The following CUX2 variants were observed in gnomAD, a reference collection of about 807,000 sequenced individuals.
CUX2 encodes the protein homeobox protein cut-like 2.
In CUX2, 40 loss-of-function variants were observed where a neutral mutation model predicts 144.8. The observed-to-expected ratio is 0.28, with a 90% CI of 0.21 to 0.36. CUX2 has a LOEUF of 0.36. Among genes scored for constraint, CUX2 ranks in the 10% least tolerant of loss-of-function variants. The probability of loss-of-function intolerance (pLI) is 1.00; values close to 1 mark genes in which losing one functional copy is unlikely to be tolerated. For synonymous variants in CUX2, 827 were observed against 875.6 expected, an observed-to-expected ratio of 0.94 and a Z score of 0.98; for missense variants, 1,615 against 1,994.0, an observed-to-expected ratio of 0.81 and a Z score of 3.62.
intron 1 of CUX2, among the ~76,000 whole-genome samples, chr12:111,154,947 G>T (rs1445016834): frequency 6.6e-6 from 1 of 152,164 alleles, no homozygotes; most frequent in Non-Finnish European, 1.5e-5. Flanking sequence ...GTGAGTCCTG[G>T]CTCTGTCACT....
intron 1 of CUX2, among the ~76,000 whole-genome samples, chr12:111,204,650 C>T (rs1484485550): frequency 2.0e-5 from 3 of 152,184 alleles, no homozygotes; most frequent in Non-Finnish European, 2.9e-5. Flanking sequence ...CTGCAGGTAC[C>T]GTGCATCAGA....
intron 8 of CUX2, among the ~76,000 whole-genome samples, chr12:111,296,747 CCCTCCAGTACTT>C: frequency 9.1e-6 from 1 of 110,020 alleles, no homozygotes; most frequent in Admixed American, 8.5e-5. Context: ...CTCCCTCTGA[CCCTCCAGTACTT>C]GCCTCCACCC....
chr12:111,316,449 CTT>C (rs35751838), intron 16 of CUX2, among the ~76,000 whole-genome samples: 25 of 113,272 alleles, frequency 2.2e-4, no homozygotes, highest in Middle Eastern at 5.4e-3. Flanking sequence ...CCCGGCACTT[CTT>C]TTTTTTTTTT....
chr12:111,126,443 C>T (rs573429539), intron 1 of CUX2, among the ~76,000 whole-genome samples: 23 of 152,258 alleles, frequency 1.5e-4, no homozygotes, highest in Non-Finnish European at 2.6e-4. Flanking sequence ...GAGCTGATGG[C>T]ATAATTCCAC....
intron 1 of CUX2, among the ~76,000 whole-genome samples, chr12:111,065,253 G>C (rs566569948): frequency 1.3e-5 from 2 of 152,366 alleles, no homozygotes; most frequent in African/African-American, 4.8e-5. Context: ...TGATAAACAA[G>C]AAATAAACTA....
intron 1 of CUX2, among the ~76,000 whole-genome samples, chr12:111,048,713 C>T (rs537207339): frequency 6.6e-5 from 10 of 152,198 alleles, no homozygotes; most frequent in Admixed American, 2.0e-4. Flanking sequence ...GTGACTAAGA[C>T]GGCGTGGCTG....
intron 20 of CUX2, among the ~76,000 whole-genome samples, 188 bp downstream of exon 20, chr12:111,338,662 C>A (rs1319857602): frequency 6.6e-6 from 1 of 152,120 alleles, no homozygotes; most frequent in Non-Finnish European, 1.5e-5. Flanking sequence ...ATATTTACAG[C>A]CTGTCGCAGT....
At chr12:111,341,676 C>G in intron 20 of CUX2, 104 bp from the exon 21 acceptor site, 1 of 1,354,182 alleles carries the variant, frequency 7.4e-7, no homozygotes, top group Non-Finnish European at 1.0e-6. Context: ...TGATGGCCTC[C>G]GAGTGGGCCT....
intron 3 of CUX2, among the ~76,000 whole-genome samples, chr12:111,229,511 C>G (rs1882353511): frequency 6.6e-6 from 1 of 152,208 alleles, no homozygotes; most frequent in Admixed American, 6.5e-5. Context: ...CACTTTCCCT[C>G]TAGCCTGTCT....
intron 1 of CUX2, among the ~76,000 whole-genome samples, chr12:111,115,263 G>A (rs1039074281): frequency 2.3e-4 from 34 of 150,488 alleles, no homozygotes; most frequent in Non-Finnish European, 4.3e-4. Context: ...AGATCAATTT[G>A]GAGATAATAA....
At chr12:111,275,014 G>A (rs1884799170) in intron 4 of CUX2, among the ~76,000 whole-genome samples, 1 of 151,968 alleles carries the variant, frequency 6.6e-6, no homozygotes, top group African/African-American at 2.4e-5. Flanking sequence ...GTGAAAGATG[G>A]AATAGGCGAA....
chr12:111,172,987 C>T (rs1878638752), intron 1 of CUX2, among the ~76,000 whole-genome samples: 1 of 152,224 alleles, frequency 6.6e-6, no homozygotes, highest in African/African-American at 2.4e-5. Flanking sequence ...GCAGCCTCAG[C>T]CTCTCAGCCA....
chr12:111,321,845 A>G (rs1443604341), intron 17 of CUX2, among the ~76,000 whole-genome samples: 1 of 151,978 alleles, frequency 6.6e-6, no homozygotes, highest in Non-Finnish European at 1.5e-5. Flanking sequence ...AGCTCGGAGG[A>G]GGGAGAAATG....
chr12:111,291,118 G>A (rs577843619), intron 4 of CUX2, among the ~76,000 whole-genome samples: 2 of 152,272 alleles, frequency 1.3e-5, no homozygotes, highest in South Asian at 4.1e-4. Flanking sequence ...GCCTACCTTA[G>A]CCTCCCAAAG....
In CUX2 at chr12:111,268,201, G is replaced by T. The variant is rs373319494; in HGVS notation, c.301+4362G>T. ...TAATTATATCGGCAAAGACACTTTG[G>T]TTTTTGTTTGTTTTTTGTTTTTTGT... On this transcript the variant is annotated intron_variant, in intron 4 of 21. Coordinates refer to ENST00000261726, the MANE Select transcript of CUX2 (RefSeq NM_015267.4). Among the ~76,000 whole-genome samples, 239 of 132,278 alleles carry T rather than the reference G, an allele frequency of 1.8e-3. 3 individuals are homozygous for T. The highest frequency in any genetic ancestry group is 7.9e-3 in the African/African-American group (229 of 29,114). 86.8% of individuals were successfully genotyped at this position (132,278 alleles called of 152,430 possible). A position where few individuals can be genotyped will look rare whatever the true frequency, so the allele number is the denominator to read the frequency against.
At chr12:111,121,899 G>A (rs1042708441) in intron 1 of CUX2, among the ~76,000 whole-genome samples, 3 of 151,626 alleles carry the variant, frequency 2.0e-5, no homozygotes, top group Admixed American at 6.6e-5. Context: ...CCCTTCCACC[G>A]AGACCTAAAA....
chr12:111,317,246 C>T (rs551923686), intron 16 of CUX2, among the ~76,000 whole-genome samples: 33 of 152,274 alleles, frequency 2.2e-4, no homozygotes, highest in African/African-American at 7.7e-4. Flanking sequence ...GTGTCGGGAA[C>T]GCTTCTCTGA....
At chr12:111,122,887 T>C (rs986629659) in intron 1 of CUX2, among the ~76,000 whole-genome samples, 1 of 152,170 alleles carries the variant, frequency 6.6e-6, no homozygotes, top group African/African-American at 2.4e-5. Context: ...TAAACAATAA[T>C]TATTAAAGAA....
At chr12:111,121,886 A>G (rs954686191) in intron 1 of CUX2, among the ~76,000 whole-genome samples, 2 of 141,312 alleles carry the variant, frequency 1.4e-5, no homozygotes, top group Admixed American at 1.4e-4. Flanking sequence ...ACTGTTCAAG[A>G]GCCCCTTCCA....
Sources: allele counts gnomAD v4.1 joint callset (sites outside exome capture counted in the v4.1 genomes callset), GRCh38; gene constraint gnomAD v4.1.1; transcripts MANE v1.5; gene names NCBI Gene and HGNC (gene_info 2026-07-23, HGNC 2026-07-21).